HNF4A: variants seen among roughly 807,000 people sequenced by gnomAD.
HNF4A encodes hepatocyte nuclear factor 4-alpha.
In HNF4A, 15 loss-of-function variants were observed where a neutral mutation model predicts 52.4. The observed-to-expected ratio is 0.29, with a 90% CI of 0.19 to 0.44. HNF4A has a LOEUF of 0.44. Ranked by LOEUF, HNF4A falls within the 20% of genes least tolerant of loss-of-function variation. The pLI, the probability that HNF4A is intolerant of heterozygous loss-of-function variation, is 1.00. For missense variants in HNF4A, 479 were observed against 647.2 expected (o/e 0.74, Z 2.82); for synonymous variants, 280 against 264.4 (o/e 1.06, Z -0.57).
intron 1 of HNF4A, among the ~76,000 whole-genome samples, chr20:44,364,437 G>A (rs911513885): frequency 1.3e-5 from 2 of 151,970 alleles, no homozygotes; most frequent in African/African-American, 4.8e-5. Flanking sequence ...GTTTCAAACT[G>A]CAATCTTAAC....
intron 1 of HNF4A, among the ~76,000 whole-genome samples, chr20:44,374,371 T>G (rs1191506709): frequency 6.6e-6 from 1 of 152,222 alleles, no homozygotes; most frequent in Non-Finnish European, 1.5e-5. Context: ...TTGTTCCCTT[T>G]TATGGCTGCA....
chr20:44,410,440 G>T (rs985228693), intron 3 of HNF4A, among the ~76,000 whole-genome samples: 3 of 152,100 alleles, frequency 2.0e-5, no homozygotes, highest in Non-Finnish European at 4.4e-5. Flanking sequence ...CTGTGGTCAA[G>T]CCATAGGAAA....
intron 7 of HNF4A, among the ~76,000 whole-genome samples, chr20:44,420,105 G>T (rs2063723718): frequency 6.6e-6 from 1 of 152,132 alleles, no homozygotes; most frequent in African/African-American, 2.4e-5. Context: ...GCTGAGGCGG[G>T]CGGATCACCT....
At chr20:44,370,287 G>A (rs1299936608) in intron 1 of HNF4A, among the ~76,000 whole-genome samples, 1 of 151,910 alleles carries the variant, frequency 6.6e-6, no homozygotes, top group African/African-American at 2.4e-5. Flanking sequence ...TCGGCCTCCC[G>A]AAGTGCTGGG....
intron 5 of HNF4A, among the ~76,000 whole-genome samples, chr20:44,416,596 T>C (rs2063668710): frequency 6.6e-6 from 1 of 152,226 alleles, no homozygotes; most frequent in Non-Finnish European, 1.5e-5. Flanking sequence ...GGCAGTTTCC[T>C]CTTTTTCTGT....
intron 8 of HNF4A, chr20:44,424,697 T>G: frequency 1.1e-6 from 1 of 952,348 alleles, no homozygotes; most frequent in Non-Finnish European, 1.4e-6. Flanking sequence ...GAGACCTCTC[T>G]GAAGTGGTGA....
rs374298096 is a variant in HNF4A at position 44,413,782 on chromosome 20, G to A, written c.474G>A (p.Ala158=). The A allele has an allele frequency of 5.6e-5, 91 of 1,612,712 alleles. No individual in the cohort carries two copies. Among genetic ancestry groups the A allele is most frequent in the South Asian group, 4.4e-5 (4 of 90,894 alleles). The change falls in exon 4 of 10, where the codon GCG becomes GCA. Residue 158 remains alanine (A), a synonymous_variant. Coordinates refer to ENST00000316099, the MANE Select transcript of HNF4A (RefSeq NM_000457.6). ...CCTCCATCAATGCGCTCCTGCAGGC[G>A]GAGGTCCTGTCCCGACAGGTACCGG...
At position 44,409,571 on chromosome 20, in the gene HNF4A, G is replaced by A. The variant is rs140302452; in HGVS notation, c.385+2096G>A. 9.1e-4 allele frequency among the ~76,000 whole-genome samples: 139 copies of A among 152,302 alleles called. No homozygotes were observed. The Middle Eastern group carries it at 0.02, about 22-fold the overall frequency. Reference sequence around the variant, plus strand: ...GGAGAGGGGTTGGCAGCCCTCCTGAGTGGATGGCTACCCACCTCCACTGCG... The same window carrying A: ...GGAGAGGGGTTGGCAGCCCTCCTGAATGGATGGCTACCCACCTCCACTGCG... On this transcript the variant is annotated intron_variant, in intron 3 of 9. Coordinates refer to ENST00000316099, the MANE Select transcript of HNF4A (RefSeq NM_000457.6).
chr20:44,425,367 A>G (rs751037578), intron 8 of HNF4A, among the ~76,000 whole-genome samples: 1 of 152,208 alleles, frequency 6.6e-6, no homozygotes, highest in Non-Finnish European at 1.5e-5. Flanking sequence ...CAATCATGTG[A>G]TGGATGATGG....
intron 1 of HNF4A, chr20:44,390,730 G>C: frequency 1.4e-6 from 1 of 695,392 alleles, no homozygotes; most frequent in Non-Finnish European, 2.6e-6. Context: ...GATGGTAGGA[G>C]AGAGACACAG....
At chr20:44,385,429 T>C (rs930278578) in intron 1 of HNF4A, among the ~76,000 whole-genome samples, 8 of 151,968 alleles carry the variant, frequency 5.3e-5, no homozygotes, top group African/African-American at 1.2e-4. Context: ...CTGGACAACA[T>C]AGCAAGACAC....
intron 1 of HNF4A, among the ~76,000 whole-genome samples, chr20:44,370,176 C>T (rs1352412561): frequency 6.6e-6 from 1 of 152,148 alleles, no homozygotes; most frequent in African/African-American, 2.4e-5. Context: ...TACAGGCGCC[C>T]GCCACTGCGC....
rs3212210 is a variant in HNF4A at position 44,430,571 on chromosome 20, A to T, written c.*906A>T. 11,530 of 152,440 alleles carry T rather than the reference A, an allele frequency of 0.076. 475 individuals carry two copies. Among genetic ancestry groups the T allele is most frequent in the Admixed American group, 0.11 (1,751 of 15,286 alleles). The allele number at this position is 152,440 out of a possible 1,614,324, so 9.4% of individuals were successfully genotyped here. Reference sequence around the variant, plus strand: ...CAAAGAACAGCCTGAGCCAAGGCCTAGTGGTAGTAAGAATCTAGCAAGAAT... The same window carrying T: ...CAAAGAACAGCCTGAGCCAAGGCCTTGTGGTAGTAAGAATCTAGCAAGAAT... On this transcript the variant is annotated 3_prime_UTR_variant, in exon 10 of 10. Coordinates refer to ENST00000316099, the MANE Select transcript of HNF4A (RefSeq NM_000457.6).
intron 1 of HNF4A, among the ~76,000 whole-genome samples, chr20:44,360,581 A>T (rs1169339297): frequency 6.6e-6 from 1 of 152,126 alleles, no homozygotes; most frequent in African/African-American, 2.4e-5. Context: ...GAATGGATGG[A>T]TAAGAAGGGG....
chr20:44,375,902 TCA>T (rs2063079903), intron 1 of HNF4A, among the ~76,000 whole-genome samples: 1 of 152,174 alleles, frequency 6.6e-6, no homozygotes, highest in African/African-American at 2.4e-5. Flanking sequence ...CTCCCTGCTC[TCA>T]GACAGAGAAA....
Position 44,414,656 on chromosome 20 carries a change from C to G in HNF4A, c.642C>G (p.Asp214Glu). The change falls in exon 5 of 10, where the codon GAC (aspartate) becomes GAG (glutamate). Residue 214 changes from aspartate (D) to glutamate (E), a missense_variant. Transcript: ENST00000316099. ...CAGCTTTCTGCGAGCTCCCCCTGGA[C>G]GACCAGGTGAGGATGGGCGTGGATG... 6.2e-7 allele frequency: 1 copy of G among 1,604,600 alleles called. No individual in the cohort carries two copies. The highest frequency in any genetic ancestry group is 1.1e-5 in the South Asian group (1 of 89,676).
rs568592149 is a variant in HNF4A, at chr20:44,432,663, G to A, written c.*2998G>A. 4 of 152,030 alleles carry A rather than the reference G, an allele frequency of 2.6e-5. No individual in the cohort carries two copies. Among genetic ancestry groups the A allele is most frequent in the Non-Finnish European group, 4.4e-5 (3 of 68,024 alleles). The allele number at this position is 152,030 out of a possible 1,614,324, so 9.4% of individuals were successfully genotyped here. A position where few individuals can be genotyped will look rare whatever the true frequency, so the allele number is the denominator to read the frequency against. The stretch of plus-strand genomic sequence containing the variant: ...ATTTACATCAAGCAATTATCAAAGC[G>A]GGCTGGGTCCCATCAGAACGACCCA... On this transcript the variant is annotated 3_prime_UTR_variant, in exon 10 of 10. Coordinates refer to ENST00000316099, the MANE Select transcript of HNF4A (RefSeq NM_000457.6).
At chr20:44,363,374 A>G (rs1436039101) in intron 1 of HNF4A, among the ~76,000 whole-genome samples, 1 of 152,172 alleles carries the variant, frequency 6.6e-6, no homozygotes, top group African/African-American at 2.4e-5. Context: ...ACTAGGTGTT[A>G]GCATCATTTT....
At chr20:44,401,612 C>A in intron 1 of HNF4A, 1 of 1,183,474 alleles carries the variant, frequency 8.4e-7, no homozygotes, top group Non-Finnish European at 1.2e-6. Context: ...GTTGGTCCTA[C>A]AGGCCAGCAC....
Sources: gnomAD v4.1 joint callset for allele counts (sites outside exome capture counted in the v4.1 genomes callset) on GRCh38, gnomAD v4.1.1 for gene constraint, MANE v1.5 for transcripts, NCBI Gene and HGNC (gene_info 2026-07-23, HGNC 2026-07-21) for gene names.